The following HEXB variants were observed in gnomAD, a reference collection of about 807,000 sequenced individuals.
HEXB encodes the protein beta-hexosaminidase subunit beta.
A neutral mutation model predicts 71.2 loss-of-function variants in HEXB; 51 were observed. The observed-to-expected ratio is 0.72, with a 90% CI of 0.57 to 0.90. HEXB has a LOEUF of 0.90. Among genes scored for constraint, HEXB ranks in the 40% least tolerant of loss-of-function variants. The pLI is 0.00. For synonymous variants in HEXB, 266 were observed against 249.3 expected, an observed-to-expected ratio of 1.07 and a Z score of -0.63; for missense variants, 617 against 677.0, an observed-to-expected ratio of 0.91 and a Z score of 0.98.
In HEXB at chr5:74,713,375, C is replaced by G. The variant is rs953092632; in HGVS notation, c.772-131C>G. On this transcript the variant is annotated intron_variant, in intron 6 of 13. Transcript: ENST00000261416. ...TATTTTTAAATGAGTCATCTAATATCACATGAAACTAATACATTGTCATAG... is the reference window on the plus strand; with the variant it reads ...TATTTTTAAATGAGTCATCTAATATGACATGAAACTAATACATTGTCATAG... The G allele has an allele frequency of 4.8e-6, 4 of 828,250 alleles. No individual in the cohort carries two copies. The East Asian group carries it at 1.0e-4, about 21-fold the overall frequency. 51.3% of individuals were successfully genotyped at this position (828,250 alleles called of 1,614,324 possible).
chr5:74,717,306 T>G (rs1749694294), intron 9 of HEXB, among the ~76,000 whole-genome samples: 1 of 152,062 alleles, frequency 6.6e-6, no homozygotes, highest in Admixed American at 6.6e-5. Flanking sequence ...GGAACATATA[T>G]TTTACTATAT....
At position 74,716,756 on chromosome 5, in the gene HEXB, T is replaced by G. The variant is rs1749682254; in HGVS notation, c.1169+83T>G. ...AATGTGCTTTATTTTTTACATTTTC[T>G]CTACATCCTTTGCCTAAGTGTAGAT... On this transcript the variant is annotated intron_variant, in intron 9 of 13. Transcript: ENST00000261416. The G allele has an allele frequency of 1.7e-5, 15 of 880,022 alleles. 1 individual carries two copies. The South Asian group carries it at 2.2e-4, about 13-fold the overall frequency. 54.5% of individuals were successfully genotyped at this position (880,022 alleles called of 1,614,324 possible).
At chr5:74,664,124 C>T (rs932968476) in intron 1 of HEXB, among the ~76,000 whole-genome samples, 8 of 152,060 alleles carry the variant, frequency 5.3e-5, no homozygotes, top group East Asian at 1.9e-4. Context: ...GGTGTGGTGG[C>T]GCATGCCTGT....
intron 1 of HEXB, among the ~76,000 whole-genome samples, chr5:74,666,886 C>T (rs533366113): frequency 2.6e-5 from 4 of 152,074 alleles, no homozygotes; most frequent in South Asian, 2.1e-4. Context: ...ATAATGGAGA[C>T]GTGTTCTTAG....
At chr5:74,663,987 G>A (rs891661178) in intron 1 of HEXB, among the ~76,000 whole-genome samples, 5 of 152,054 alleles carry the variant, frequency 3.3e-5, no homozygotes, top group Non-Finnish European at 7.4e-5. Context: ...CAGGCGTGGT[G>A]GCACACGCCT....
intron 1 of HEXB, among the ~76,000 whole-genome samples, chr5:74,687,075 G>T (rs928316007): frequency 6.6e-6 from 1 of 152,212 alleles, no homozygotes; most frequent in African/African-American, 2.4e-5. Flanking sequence ...GCATGTGCGG[G>T]TGATTACCTG....
In HEXB at chr5:74,715,870, A is replaced by AGCTGG. The variant is rs1749659638; in HGVS notation, c.1082+183_1082+187dup. Among the ~76,000 whole-genome samples, 5 of 152,062 alleles carry AGCTGG rather than the reference A, an allele frequency of 3.3e-5. No homozygotes were observed. In the East Asian group the frequency reaches 9.7e-4, roughly 30 times the overall value. On this transcript the variant is annotated intron_variant, in intron 8 of 13. Transcript: ENST00000261416. ...CATCTCTACTAAAAATACAAAAATT[A>AGCTGG]GCTGGGCGTGGTGGTGGGTACCTGT... is the stretch of plus-strand genomic sequence containing the variant.
At chr5:74,679,201 T>C (rs1056398526) in intron 1 of HEXB, among the ~76,000 whole-genome samples, 4 of 152,216 alleles carry the variant, frequency 2.6e-5, no homozygotes, top group African/African-American at 9.7e-5. Flanking sequence ...TTTTGGAATC[T>C]GGCAGTGGAC....
At chr5:74,717,477 C>CATATATAT (rs57555383) in intron 9 of HEXB, among the ~76,000 whole-genome samples, 21,426 of 146,278 alleles carry the variant, frequency 0.15, 1,979 homozygotes, top group African/African-American at 0.26. Flanking sequence ...CTGAAAAATG[C>CATATATAT]ATATATATAT....
intron 9 of HEXB, among the ~76,000 whole-genome samples, chr5:74,717,816 G>A (rs1749714204): frequency 6.6e-6 from 1 of 152,228 alleles, no homozygotes; most frequent in South Asian, 2.1e-4. Context: ...AGCTTTTTGT[G>A]TGATGCATTT....
chr5:74,712,977 A>G (rs1180809502), intron 6 of HEXB, among the ~76,000 whole-genome samples: 1 of 152,198 alleles, frequency 6.6e-6, no homozygotes, highest in Non-Finnish European at 1.5e-5. Context: ...TCAAGCTTAT[A>G]GTAATTCAAG....
chr5:74,696,448 C>T (rs1749114882), intron 3 of HEXB, among the ~76,000 whole-genome samples: 1 of 151,900 alleles, frequency 6.6e-6, no homozygotes, highest in Non-Finnish European at 1.5e-5. Context: ...GGTATGGGTA[C>T]AATGAAGTAA....
At chr5:74,675,749 AC>A (rs756449139) in intron 1 of HEXB, among the ~76,000 whole-genome samples, 59 of 152,198 alleles carry the variant, frequency 3.9e-4, no homozygotes, top group Non-Finnish European at 7.8e-4. Context: ...GACTGACTTT[AC>A]ATTTTACAAA....
rs1445187430 is a variant in HEXB at position 74,713,569 on chromosome 5, A to G, written c.835A>G (p.Arg279Gly). ...NDVRMVIEYA[R>G]LRGIRVLPEF... is the part of the protein sequence containing the mutation. ...TGTCCGTATGGTGATTGAATATGCC[A>G]GATTACGAGGAATTCGAGTCCTGCC... The change falls in exon 7 of 14, where the codon AGA becomes GGA. Residue 279 changes from arginine (R) to glycine (G), a missense_variant. Arg to Gly is a moderately radical substitution (Grantham distance 125). Coordinates refer to ENST00000261416, the MANE Select transcript of HEXB (RefSeq NM_000521.4). 3 of 1,613,140 alleles carry G rather than the reference A, an allele frequency of 1.9e-6. No individual in the cohort carries two copies. Among genetic ancestry groups the G allele is most frequent in the Non-Finnish European group, 2.5e-6 (3 of 1,179,060 alleles).
Position 74,721,229 on chromosome 5 carries a change from G to GAAATCATGTAAAATAAGATATT in HEXB, c.*56_*77dup. The GAAATCATGTAAAATAAGATATT allele has an allele frequency of 7.5e-7, 1 of 1,331,984 alleles. No homozygotes were observed. Among genetic ancestry groups the GAAATCATGTAAAATAAGATATT allele is most frequent in the South Asian group, 1.2e-5 (1 of 85,220 alleles). The allele number at this position is 1,331,984 out of a possible 1,614,324, so 82.5% of individuals were successfully genotyped here. ...TCTGTACTACAATCAACTTTATTTT[G>GAAATCATGTAAAATAAGATATT]AAATCATGTAAAATAAGATATTAGA... is the stretch of plus-strand genomic sequence containing the variant. On this transcript the variant is annotated 3_prime_UTR_variant, in exon 14 of 14. Transcript: ENST00000261416.
chr5:74,655,925 C>T (rs1172198450), intron 1 of HEXB, among the ~76,000 whole-genome samples: 3 of 152,078 alleles, frequency 2.0e-5, no homozygotes. Flanking sequence ...TTACCTGTTG[C>T]ATGATGACAG....
chr5:74,660,426 T>C (rs1283534932), intron 1 of HEXB, among the ~76,000 whole-genome samples: 1 of 152,250 alleles, frequency 6.6e-6, no homozygotes, highest in Non-Finnish European at 1.5e-5. Flanking sequence ...GAGGCTGATA[T>C]GGCTGATGCC....
intron 1 of HEXB, among the ~76,000 whole-genome samples, chr5:74,664,764 C>T (rs554718465): frequency 6.6e-6 from 1 of 152,028 alleles, no homozygotes; most frequent in Non-Finnish European, 1.5e-5. Context: ...AATTTTCCAG[C>T]TCATCGTCCA....
chr5:74,711,016 G>A lies in HEXB; in HGVS notation c.772-2490G>A, dbSNP rs1463233915. Among the ~76,000 whole-genome samples, 557 of 151,142 alleles carry A rather than the reference G, an allele frequency of 3.7e-3. 6 individuals are homozygous for A. The highest frequency in any genetic ancestry group is 0.013 in the African/African-American group (532 of 41,052). ...AAAAGAACAAAGCTGGAGGCATCAC[G>A]CTACCTGACTTCAAACTATACTACA... On this transcript the variant is annotated intron_variant, in intron 6 of 13. Transcript: ENST00000261416.
Sources: allele counts gnomAD v4.1 joint callset (sites outside exome capture counted in the v4.1 genomes callset), GRCh38; gene constraint gnomAD v4.1.1; transcripts MANE v1.5; gene names NCBI Gene and HGNC (gene_info 2026-07-23, HGNC 2026-07-21).